The following SLC7A6OS variants were observed in gnomAD, a reference collection of about 807,000 sequenced individuals.
SLC7A6OS encodes the protein solute carrier family 7 member 6 opposite strand, also known as probable RNA polymerase II nuclear localization protein SLC7A6OS.
In SLC7A6OS, 22 loss-of-function variants were observed where a neutral mutation model predicts 34.3. The observed-to-expected ratio is 0.64, with a 90% CI of 0.46 to 0.92. The LOEUF is 0.92. Among genes scored for constraint, SLC7A6OS ranks in the 40% least tolerant of loss-of-function variants. SLC7A6OS has a pLI of 0.00. For synonymous variants in SLC7A6OS, 199 were observed against 165.0 expected (o/e 1.21, Z -1.58); for missense variants, 434 against 407.7 (o/e 1.06, Z -0.56).
chr16:68,310,904 A>C lies in SLC7A6OS; in HGVS notation c.23T>G (p.Val8Gly). 6.3e-7 allele frequency: 1 copy of C among 1,596,200 alleles called. No homozygotes were observed. The highest frequency in any genetic ancestry group is 8.5e-7 in the Non-Finnish European group (1 of 1,173,890). Residue 8 changes from valine to glycine, a missense_variant, in exon 1 of 5, where the codon GTA becomes GGA. Transcript: ENST00000263997. MEAARTA[V>G]LRVKRKRSAE... Reference sequence around the variant, plus strand: ...ACTGCGCTTCCGCTTCACCCGGAGTACAGCGGTCCTGGCGGCCTCCATAGT... The same window carrying C: ...ACTGCGCTTCCGCTTCACCCGGAGTCCAGCGGTCCTGGCGGCCTCCATAGT...
In SLC7A6OS at chr16:68,300,537, C is replaced by G. The variant is rs2043251970; in HGVS notation, c.*738G>C. The G allele has an allele frequency of 1.2e-6, 1 of 853,234 alleles. No individual in the cohort carries two copies. The allele number at this position is 853,234 out of a possible 1,614,324, so 52.9% of individuals were successfully genotyped here. Reference sequence around the variant, plus strand: ...GCCTTAAGTCCTTGGTATTTATAATCAATGCTGAACCTTCTATTTCACTAC... The same window carrying G: ...GCCTTAAGTCCTTGGTATTTATAATGAATGCTGAACCTTCTATTTCACTAC... On this transcript the variant is annotated 3_prime_UTR_variant, in exon 5 of 5. Transcript: ENST00000263997.
rs2043256800 is a variant in SLC7A6OS at position 68,300,805 on chromosome 16, G to A, written c.*470C>T. The A allele has an allele frequency of 1.0e-6, 1 of 985,722 alleles. No individual in the cohort carries two copies. The highest frequency in any genetic ancestry group is 1.7e-5 in the African/African-American group (1 of 57,218). The allele number at this position is 985,722 out of a possible 1,614,324, so 61.1% of individuals were successfully genotyped here. A position where few individuals can be genotyped will look rare whatever the true frequency, so the allele number is the denominator to read the frequency against. Reference sequence around the variant, plus strand: ...CTGCCCTAATGGCCATTACTATCCAGTCTGTATTGCTACAAGGGACCCACT... The same window carrying A: ...CTGCCCTAATGGCCATTACTATCCAATCTGTATTGCTACAAGGGACCCACT... On this transcript the variant is annotated 3_prime_UTR_variant, in exon 5 of 5. Transcript: ENST00000263997.
At chr16:68,302,576 C>A in intron 3 of SLC7A6OS, 75 bp from the exon 4 acceptor site, 1 of 1,581,188 alleles carries the variant, frequency 6.3e-7, no homozygotes, top group Non-Finnish European at 8.7e-7. Context: ...TGTTAGCATA[C>A]CAGCTTGAAG....
intron 4 of SLC7A6OS, 58 bp from the exon 5 acceptor site, chr16:68,301,463 GC>G (rs2043274254): frequency 6.7e-7 from 1 of 1,500,156 alleles, no homozygotes; most frequent in Admixed American, 1.8e-5. Context: ...TACTGCAGGA[GC>G]CCCTTCTCTT....
At chr16:68,306,242 G>C (rs1223267486) in intron 2 of SLC7A6OS, among the ~76,000 whole-genome samples, 3 of 151,898 alleles carry the variant, frequency 2.0e-5, no homozygotes, top group African/African-American at 7.3e-5. Flanking sequence ...TTTTGAGATG[G>C]AGTTTCGCTC....
chr16:68,305,972 C>T (rs2043323010), intron 2 of SLC7A6OS, among the ~76,000 whole-genome samples: 1 of 152,068 alleles, frequency 6.6e-6, no homozygotes, highest in African/African-American at 2.4e-5. Flanking sequence ...GCAGGAGGAT[C>T]ACATGAGCCC....
rs146371333 is a variant in SLC7A6OS at position 68,309,829 on chromosome 16, T to C, written c.471+506A>G. Among the ~76,000 whole-genome samples the C allele has an allele frequency of 8.5e-4, 129 of 152,250 alleles. 1 individual carries two copies. In the South Asian group the frequency reaches 0.018, roughly 21 times the overall value. On this transcript the variant is annotated intron_variant, in intron 2 of 4. Transcript: ENST00000263997. ...ACCTAGCAGGCATCCTCCCCTCAAA[T>C]TCCTTACTGCTCTCCTCTAGCTCAC...
chr16:68,304,114 A>T lies in SLC7A6OS; in HGVS notation c.590T>A (p.Val197Glu). The change falls in exon 3 of 5, where the codon GTG becomes GAG. Residue 197 changes from valine to glutamate, a missense_variant. Val to Glu is a moderately radical substitution (Grantham distance 121). Coordinates refer to ENST00000263997, the MANE Select transcript of SLC7A6OS (RefSeq NM_032178.3). ...CGTCTCCAAGTAGTAAATGTCATAC[A>T]CATAGTCATCGTGTTTTTGTTCTTC... Reference protein sequence around the residue: ...RQEEQKHDDYVYDIYYLETAT... With the variant: ...RQEEQKHDDYEYDIYYLETAT... The T allele has an allele frequency of 6.2e-7, 1 of 1,614,164 alleles. No individual in the cohort carries two copies. Among genetic ancestry groups the T allele is most frequent in the Admixed American group, 1.7e-5 (1 of 60,022 alleles).
chr16:68,302,071 C>T, intron 4 of SLC7A6OS: 1 of 307,768 alleles, frequency 3.2e-6, no homozygotes. Context: ...TAATCTCAAC[C>T]ACTAAAATTC....
chr16:68,302,059 C>A (rs2043285673), intron 4 of SLC7A6OS: 1 of 278,082 alleles, frequency 3.6e-6, no homozygotes. Context: ...ACATATTTTA[C>A]ATAATCTCAA....
intron 4 of SLC7A6OS, 58 bp downstream of exon 4, chr16:68,302,323 T>C (rs757533261): frequency 1.2e-6 from 2 of 1,602,454 alleles, no homozygotes; most frequent in Non-Finnish European, 1.7e-6. Flanking sequence ...CTGTCAACTA[T>C]GCCTGCACCT....
At chr16:68,304,351 C>CAAA in intron 2 of SLC7A6OS, 119 bp from the exon 3 acceptor site, 5 of 856,638 alleles carry the variant, frequency 5.8e-6, no homozygotes, top group Non-Finnish European at 9.3e-6. Flanking sequence ...GACGGAGTCT[C>CAAA]ACTCTGTCGC....
chr16:68,307,260 C>G (rs574913186), intron 2 of SLC7A6OS, among the ~76,000 whole-genome samples: 1 of 152,320 alleles, frequency 6.6e-6, no homozygotes, highest in East Asian at 1.9e-4. Flanking sequence ...AAGTACCTAG[C>G]ACGCTATTTG....
At chr16:68,308,763 G>A (rs2151242132) in intron 2 of SLC7A6OS, among the ~76,000 whole-genome samples, 1 of 151,278 alleles carries the variant, frequency 6.6e-6, no homozygotes, top group South Asian at 2.1e-4. Context: ...ATCAAGAGAG[G>A]GCATATTGGC....
chr16:68,299,160 A>G lies in SLC7A6OS; in HGVS notation c.*2115T>C, dbSNP rs11553015. ...AGGCTGACTTGCCTGAACGCTAAGA[A>G]CATGACTTCTGTCTGAGCTAAGCTG... On this transcript the variant is annotated 3_prime_UTR_variant, in exon 5 of 5. Coordinates refer to ENST00000263997, the MANE Select transcript of SLC7A6OS (RefSeq NM_032178.3). 6.6e-6 allele frequency: 1 copy of G among 152,666 alleles called. No individual in the cohort carries two copies. Among genetic ancestry groups the G allele is most frequent in the Admixed American group, 6.5e-5 (1 of 15,290 alleles). 9.5% of individuals were successfully genotyped at this position (152,666 alleles called of 1,614,324 possible). A position where few individuals can be genotyped will look rare whatever the true frequency, so the allele number is the denominator to read the frequency against.
At chr16:68,303,977 T>G in intron 3 of SLC7A6OS, 49 bp downstream of exon 3, 1 of 1,528,280 alleles carries the variant, frequency 6.5e-7, no homozygotes, top group Non-Finnish European at 9.1e-7. Flanking sequence ...TCTGATTAGA[T>G]TAAGAGCTTA....
At chr16:68,303,603 A>C (rs2043303954) in intron 3 of SLC7A6OS, 1 of 161,908 alleles carries the variant, frequency 6.2e-6, no homozygotes, top group Admixed American at 6.1e-5. Context: ...AAAAAAAAAG[A>C]ATAATGTCAG....
chr16:68,310,918 G>A lies in SLC7A6OS; in HGVS notation c.9C>T (p.Ala3=), dbSNP rs771157870. 15 of 1,582,458 alleles carry A rather than the reference G, an allele frequency of 9.5e-6. No homozygotes were observed. The highest frequency in any genetic ancestry group is 1.8e-5 in the Admixed American group (1 of 56,260). ...TCACCCGGAGTACAGCGGTCCTGGC[G>A]GCCTCCATAGTGGCTGCCGCTGAGC... is the stretch of plus-strand genomic sequence containing the variant. The part of the protein sequence containing the change: ME[A]ARTAVLRVKR... Residue 3 remains alanine, a synonymous_variant, in exon 1 of 5, where the codon GCC becomes GCT. Transcript: ENST00000263997.
chr16:68,310,269 C>T, intron 2 of SLC7A6OS, 66 bp downstream of exon 2: 1 of 1,482,898 alleles, frequency 6.7e-7, no homozygotes, highest in East Asian at 2.3e-5. Context: ...TGTGCTGCGA[C>T]TGGGCCCAGT....
Sources: gnomAD v4.1 joint callset for allele counts (sites outside exome capture counted in the v4.1 genomes callset) on GRCh38, gnomAD v4.1.1 for gene constraint, MANE v1.5 for transcripts, NCBI Gene and HGNC (gene_info 2026-07-23, HGNC 2026-07-21) for gene names.